RBM28: variants seen among roughly 807,000 people sequenced by gnomAD.
The protein encoded by RBM28 is RNA-binding protein 28.
A neutral mutation model predicts 98.3 loss-of-function variants in RBM28; 78 were observed. The observed-to-expected ratio is 0.79, with a 90% CI of 0.66 to 0.96. The LOEUF (loss-of-function observed/expected upper bound fraction) is 0.96. Ranked by LOEUF, RBM28 falls within the 40% of genes least tolerant of loss-of-function variation. RBM28 has a pLI of 0.00. For missense variants in RBM28, 838 were observed against 913.0 expected (o/e 0.92, Z 1.06); for synonymous variants, 306 against 330.9 (o/e 0.92, Z 0.82).
rs1049251593 is a variant in RBM28 at position 128,298,734 on chromosome 7, A to C, written c.*12063T>G. 4 of 152,110 alleles carry C rather than the reference A, an allele frequency of 2.6e-5. No homozygotes were observed. The highest frequency in any genetic ancestry group is 9.7e-5 in the African/African-American group (4 of 41,422). 9.4% of individuals were successfully genotyped at this position (152,110 alleles called of 1,614,324 possible). On this transcript the variant is annotated 3_prime_UTR_variant, in exon 19 of 19. Transcript: ENST00000223073. ...TGCTTTAAAATGTACCCATGGCTGG[A>C]TGCTGTGGCTCACACTTATAATCCC... is the stretch of plus-strand genomic sequence containing the variant.
intron 2 of RBM28, 68 bp downstream of exon 2, chr7:128,339,565 C>T: frequency 3.2e-6 from 5 of 1,550,262 alleles, no homozygotes; most frequent in African/African-American, 1.4e-5. Context: ...CCATGCCTCC[C>T]TCTTTCATTT....
chr7:128,325,834 G>A lies in RBM28; in HGVS notation c.1187C>T (p.Ala396Val). 1.2e-6 allele frequency: 2 copies of A among 1,613,336 alleles called. No individual in the cohort carries two copies. The highest frequency in any genetic ancestry group is 1.7e-6 in the Non-Finnish European group (2 of 1,179,560). Reference sequence around the variant, plus strand: ...CTTCCTTACCTCATTCTCTGGAGAAGCAGCTAGAAGGCATTTCTGAGCTGC... The same window carrying A: ...CTTCCTTACCTCATTCTCTGGAGAAACAGCTAGAAGGCATTTCTGAGCTGC... ...QEAAQKCLLA[A>V]SPENEAGGLK... Residue 396 changes from alanine to valine, a missense_variant, in exon 11 of 19, where the codon GCT (alanine) becomes GTT (valine). Ala to Val is a moderately conservative substitution (Grantham distance 64, BLOSUM62 0). Coordinates refer to ENST00000223073, the MANE Select transcript of RBM28 (RefSeq NM_018077.3).
chr7:128,319,459 G>A (rs1329071772), intron 14 of RBM28, among the ~76,000 whole-genome samples: 1 of 152,198 alleles, frequency 6.6e-6, no homozygotes. Flanking sequence ...GTAACACTGA[G>A]CAGTTTTACT....
chr7:128,307,338 TC>T lies in RBM28; in HGVS notation c.*3458del, dbSNP rs1795886496. The T allele has an allele frequency of 1.3e-5, 2 of 152,286 alleles. No homozygotes were observed. The highest frequency in any genetic ancestry group is 6.5e-5 in the Admixed American group (1 of 15,292). The allele number at this position is 152,286 out of a possible 1,614,324, so 9.4% of individuals were successfully genotyped here. On this transcript the variant is annotated 3_prime_UTR_variant, in exon 19 of 19. Coordinates refer to ENST00000223073, the MANE Select transcript of RBM28 (RefSeq NM_018077.3). ...GCTTAAGACTGCAGATTCTGGGGAA[TC>T]AGCACTCACTGTGACACATGTGATC...
chr7:128,338,231 A>G lies in RBM28; in HGVS notation c.541+19T>C, dbSNP rs772373990. The G allele has an allele frequency of 6.4e-7, 1 of 1,569,872 alleles. No individual in the cohort carries two copies. The highest frequency in any genetic ancestry group is 1.1e-5 in the South Asian group (1 of 90,186). ...CACCAGAAATATCTGGGTCAATGAT[A>G]TGGGTATAGAAAGCTTACCTTTTAT... On this transcript the variant is annotated intron_variant, in intron 5 of 18. Transcript: ENST00000223073.
At chr7:128,316,705 T>C (rs2116329069) in intron 16 of RBM28, among the ~76,000 whole-genome samples, 1 of 152,206 alleles carries the variant, frequency 6.6e-6, no homozygotes, top group South Asian at 2.1e-4. Context: ...ACAGCAAGAC[T>C]CCATCTCAAA....
intron 11 of RBM28, among the ~76,000 whole-genome samples, chr7:128,325,396 T>C (rs566860087): frequency 6.6e-6 from 1 of 152,290 alleles, no homozygotes; most frequent in East Asian, 1.9e-4. Flanking sequence ...ATAACAGCAA[T>C]ATTAGATAAC....
At chr7:128,328,237 G>A (rs968528015) in intron 10 of RBM28, among the ~76,000 whole-genome samples, 2 of 152,144 alleles carry the variant, frequency 1.3e-5, no homozygotes, top group Non-Finnish European at 2.9e-5. Context: ...GGAAATATGG[G>A]GAAAATGTTT....
At chr7:128,315,168 G>A (rs1796081466) in intron 16 of RBM28, 148 bp from the exon 17 acceptor site, 10 of 1,203,474 alleles carry the variant, frequency 8.3e-6, no homozygotes, top group Non-Finnish European at 8.4e-6. Context: ...GTGAATACAT[G>A]TAGATCACAA....
chr7:128,326,691 A>G (rs576727175), intron 10 of RBM28, among the ~76,000 whole-genome samples: 106 of 152,342 alleles, frequency 7.0e-4, no homozygotes, highest in Middle Eastern at 6.8e-3. Flanking sequence ...CCCATCATTA[A>G]GTGACGCATA....
At chr7:128,322,704 T>C (rs1166957396) in intron 13 of RBM28, among the ~76,000 whole-genome samples, 1 of 152,184 alleles carries the variant, frequency 6.6e-6, no homozygotes, top group Non-Finnish European at 1.5e-5. Flanking sequence ...AGTGCCCTTA[T>C]AAAATTGAGG....
chr7:128,312,411 A>T (rs951604717), intron 18 of RBM28, among the ~76,000 whole-genome samples: 20 of 152,194 alleles, frequency 1.3e-4, no homozygotes, highest in African/African-American at 4.3e-4. Context: ...AAAAATTTTT[A>T]AAAAAAGAAA....
Position 128,314,869 on chromosome 7 carries a change from C to A in RBM28, c.1940G>T (p.Trp647Leu), listed in dbSNP as rs1158994327. Reference protein sequence around the residue: ...EQKRKAGSTSWTGFQTKAEVE... With the variant: ...EQKRKAGSTSLTGFQTKAEVE... Reference sequence around the variant, plus strand: ...TTCAGCCTTGGTCTGGAACCCGGTCCATGAGGTAGAGCCCGCCTTTCTCTT... The same window carrying A: ...TTCAGCCTTGGTCTGGAACCCGGTCAATGAGGTAGAGCCCGCCTTTCTCTT... The change falls in exon 17 of 19, where the codon TGG (tryptophan) becomes TTG (leucine). Residue 647 changes from tryptophan (W) to leucine (L), a missense_variant. Coordinates refer to ENST00000223073, the MANE Select transcript of RBM28 (RefSeq NM_018077.3). 1.2e-6 allele frequency: 2 copies of A among 1,614,174 alleles called. No individual in the cohort carries two copies. Among genetic ancestry groups the A allele is most frequent in the Non-Finnish European group, 1.7e-6 (2 of 1,180,028 alleles).
At position 128,305,176 on chromosome 7, in the gene RBM28, AAAAG is replaced by A. The variant is rs1453795873; in HGVS notation, c.*5617_*5620del. 1 of 152,034 alleles carries A rather than the reference AAAAG, an allele frequency of 6.6e-6. No individual in the cohort carries two copies. The highest frequency in any genetic ancestry group is 1.5e-5 in the Non-Finnish European group (1 of 68,084). The allele number at this position is 152,034 out of a possible 1,614,324, so 9.4% of individuals were successfully genotyped here. A position where few individuals can be genotyped will look rare whatever the true frequency, so the allele number is the denominator to read the frequency against. ...ACTCTGTCTCAAAAAAAAAAAAAAA[AAAAG>A]AAAGTTCTGCATCAATCCTGTTGTC... On this transcript the variant is annotated 3_prime_UTR_variant, in exon 19 of 19. Transcript: ENST00000223073.
At chr7:128,319,916 C>A (rs183964995) in intron 14 of RBM28, among the ~76,000 whole-genome samples, 107 of 152,176 alleles carry the variant, frequency 7.0e-4, no homozygotes, top group African/African-American at 2.5e-3. Flanking sequence ...CTACCAAAAA[C>A]AAGAAATTAG....
chr7:128,338,866 AC>A, intron 3 of RBM28, 65 bp from the exon 4 acceptor site: 1 of 1,093,122 alleles, frequency 9.1e-7, no homozygotes, highest in South Asian at 1.3e-5. Context: ...TAAAACATCA[AC>A]TACTAAATTC....
At chr7:128,338,485 ATCT>A (rs1187457046) in intron 4 of RBM28, 143 bp from the exon 5 acceptor site, 1 of 774,558 alleles carries the variant, frequency 1.3e-6, no homozygotes, top group African/African-American at 1.7e-5. Context: ...AATTGCTTAC[ATCT>A]TCTTACTGAG....
intron 18 of RBM28, among the ~76,000 whole-genome samples, chr7:128,312,934 C>T (rs1242570784): frequency 6.6e-6 from 1 of 152,134 alleles, no homozygotes; most frequent in Non-Finnish European, 1.5e-5. Flanking sequence ...GTGGGGAAAG[C>T]ATGTTATGGG....
At chr7:128,334,758 C>G (rs1000002551) in intron 8 of RBM28, among the ~76,000 whole-genome samples, 1 of 152,156 alleles carries the variant, frequency 6.6e-6, no homozygotes, top group African/African-American at 2.4e-5. Context: ...TACATTGAAG[C>G]CCTAACCCCA....
Sources: allele counts gnomAD v4.1 joint callset (sites outside exome capture counted in the v4.1 genomes callset), GRCh38; gene constraint gnomAD v4.1.1; transcripts MANE v1.5; gene names NCBI Gene and HGNC (gene_info 2026-07-23, HGNC 2026-07-21).